The following SAMD14 variants were observed in gnomAD, a reference collection of about 807,000 sequenced individuals.
The protein encoded by SAMD14 is sterile alpha motif domain-containing protein 14.
Under a neutral mutation model 46.2 loss-of-function variants are expected in SAMD14, and 27 were observed. The observed-to-expected ratio is 0.58, with a 90% CI of 0.43 to 0.81. The LOEUF (loss-of-function observed/expected upper bound fraction) is 0.81, where lower values mean the gene tolerates loss of function less well. Ranked by LOEUF, SAMD14 falls within the 30% of genes least tolerant of loss-of-function variation. The probability of loss-of-function intolerance (pLI) is 0.00; values close to 1 mark genes in which losing one functional copy is unlikely to be tolerated. For synonymous variants in SAMD14, 241 were observed against 254.3 expected, an observed-to-expected ratio of 0.95 and a Z score of 0.50; for missense variants, 559 against 582.2, an observed-to-expected ratio of 0.96 and a Z score of 0.41.
chr17:50,124,775 A>ACGCGCACGCGCACGCGCGCGCG (rs1567723143), intron 2 of SAMD14, 142 bp downstream of exon 2: 1 of 331,372 alleles, frequency 3.0e-6, no homozygotes, highest in Non-Finnish European at 5.6e-6. Flanking sequence ...GCGCGCGCAC[A>ACGCGCACGCGCACGCGCGCGCG]CACACACACA....
At chr17:50,119,817 C>CA (rs1911415692) in intron 2 of SAMD14, among the ~76,000 whole-genome samples, 1 of 152,158 alleles carries the variant, frequency 6.6e-6, no homozygotes, top group Non-Finnish European at 1.5e-5. Context: ...CTTTGATGTC[C>CA]ACCAGGGGTC....
chr17:50,113,170 G>T, intron 9 of SAMD14, 122 bp from the exon 10 acceptor site: 1 of 1,126,000 alleles, frequency 8.9e-7, no homozygotes, highest in Non-Finnish European at 1.2e-6. Context: ...CTGGAGTGGA[G>T]CCTCCGCCTC....
chr17:50,113,973 C>T lies in SAMD14; in HGVS notation c.1049G>A (p.Arg350Gln), dbSNP rs564137587. 140 of 1,613,756 alleles carry T rather than the reference C, an allele frequency of 8.7e-5. No individual in the cohort carries two copies. Among genetic ancestry groups the T allele is most frequent in the Admixed American group, 1.8e-4 (11 of 60,036 alleles). ...LEQYAAEFAARQVDGPQLLQL... is the reference protein window; with the variant it reads ...LEQYAAEFAAQQVDGPQLLQL... ...CAGCAGCTGCGGCCCGTCTACCTGCCGTGCAGCAAACTCAGCAGCATACTG... is the reference window on the plus strand; with the variant it reads ...CAGCAGCTGCGGCCCGTCTACCTGCTGTGCAGCAAACTCAGCAGCATACTG... Residue 350 changes from arginine to glutamine, a missense_variant, in exon 9 of 10, where the codon CGG becomes CAG. Transcript: ENST00000330175.
rs1352917291 is a variant in SAMD14 at position 50,112,899 on chromosome 17, CT to C, written c.1247del (p.Lys416ArgfsTer99). 10 of 1,604,852 alleles carry C rather than the reference CT, an allele frequency of 6.2e-6. No individual in the cohort carries two copies. Among genetic ancestry groups the C allele is most frequent in the Non-Finnish European group, 8.5e-6 (10 of 1,179,664 alleles). On this transcript the variant is annotated frameshift_variant, in exon 10 of 10. Transcript: ENST00000330175. LOFTEE classifies it high-confidence loss of function. The stretch of plus-strand genomic sequence containing the variant: ...AGCGCCTGTGCACCCTCCCCTAGCT[CT>C]TCTTGGCCTCCTGCTCTCGGCGCCG... Reference protein sequence around the residue: ...KLRRREQEAKKS With the variant: ...KLRRREQEAKXS
At position 50,116,030 on chromosome 17, in the gene SAMD14, T is replaced by G; in HGVS notation, c.560A>C (p.Lys187Thr). The change falls in exon 5 of 10, where the codon AAG becomes ACG. Residue 187 changes from lysine (K) to threonine (T), a missense_variant. Coordinates refer to ENST00000330175, the MANE Select transcript of SAMD14 (RefSeq NM_001257359.2). ...PASPTIGLDK[K>T]TRRKFLDLGV... Reference sequence around the variant, plus strand: ...CAGGTCCAGGAACTTTCGGCGAGTCTTCTTATCGAGGCCGATGGTGGGGCT... The same window carrying G: ...CAGGTCCAGGAACTTTCGGCGAGTCGTCTTATCGAGGCCGATGGTGGGGCT... The G allele has an allele frequency of 6.2e-7, 1 of 1,614,072 alleles. No homozygotes were observed. Among genetic ancestry groups the G allele is most frequent in the Non-Finnish European group, 8.5e-7 (1 of 1,179,962 alleles).
chr17:50,121,819 C>A (rs1441025948), intron 2 of SAMD14, among the ~76,000 whole-genome samples: 3 of 152,030 alleles, frequency 2.0e-5, no homozygotes, highest in African/African-American at 4.8e-5. Flanking sequence ...GCCCAGATGG[C>A]CAGGCTGAAG....
At position 50,117,524 on chromosome 17, in the gene SAMD14, C is replaced by A. The variant is rs1351093441; in HGVS notation, c.382G>T (p.Ala128Ser). The A allele has an allele frequency of 1.3e-6, 2 of 1,520,022 alleles. No individual in the cohort carries two copies. Among genetic ancestry groups the A allele is most frequent in the Non-Finnish European group, 1.7e-6 (2 of 1,144,596 alleles). The allele number at this position is 1,520,022 out of a possible 1,614,324, so 94.2% of individuals were successfully genotyped here. A position where few individuals can be genotyped will look rare whatever the true frequency, so the allele number is the denominator to read the frequency against. The change falls in exon 4 of 10, where the codon GCT (alanine) becomes TCT (serine). Residue 128 changes from alanine (A) to serine (S), a missense_variant. Ala to Ser is a moderately conservative substitution (Grantham distance 99, BLOSUM62 1). Coordinates refer to ENST00000330175, the MANE Select transcript of SAMD14 (RefSeq NM_001257359.2). ...GCGGCCAGGCCCTCGTGCGACGCAG[C>A]GTTGTGCAGGGGCCGGTAGCGTGTG... The part of the protein sequence containing the change: ...PLTRYRPLHN[A>S]ASHEGLAAAS...
At chr17:50,118,880 A>G (rs918854413) in intron 2 of SAMD14, among the ~76,000 whole-genome samples, 8 of 152,322 alleles carry the variant, frequency 5.3e-5, no homozygotes, top group Admixed American at 5.2e-4. Context: ...TAGGACAGTT[A>G]CTATGCATAC....
At chr17:50,116,325 A>G (rs1911196629) in intron 4 of SAMD14, 1 of 534,442 alleles carries the variant, frequency 1.9e-6, no homozygotes, top group Admixed American at 3.6e-5. Context: ...GATGCTTATG[A>G]CAGCCTTTTA....
rs1911285757 is a variant in SAMD14, at chr17:50,117,618, GC to G, written c.287del (p.Gly96AlafsTer183). 2.6e-6 allele frequency: 4 copies of G among 1,557,234 alleles called. No individual in the cohort carries two copies. Among genetic ancestry groups the G allele is most frequent in the East Asian group, 4.9e-5 (2 of 40,718 alleles). ...ACCCCGGAGGATCCAGGCAGAAAGA[GC>G]CCCCGGCCGGGGACCCCGGGCCTGA... ...LHSGPGSPAG[G>X]SFCLDPPGLR... On this transcript the variant is annotated frameshift_variant, in exon 4 of 10. Transcript: ENST00000330175. LOFTEE classifies it high-confidence loss of function.
rs1170794181 is a variant in SAMD14 at position 50,116,048 on chromosome 17, GT to G, written c.541del (p.Thr181ProfsTer98). ...DASPPEPASP[T>X]IGLDKKTRRK... Reference sequence around the variant, plus strand: ...GCGAGTCTTCTTATCGAGGCCGATGGTGGGGCTGGCGGGCTCAGGAGGACTG... The same window carrying G: ...GCGAGTCTTCTTATCGAGGCCGATGGGGGGCTGGCGGGCTCAGGAGGACTG... On this transcript the variant is annotated frameshift_variant, in exon 5 of 10. Coordinates refer to ENST00000330175, the MANE Select transcript of SAMD14 (RefSeq NM_001257359.2). LOFTEE classifies it high-confidence loss of function. The G allele has an allele frequency of 1.2e-6, 2 of 1,614,088 alleles. No individual in the cohort carries two copies. Among genetic ancestry groups the G allele is most frequent in the Non-Finnish European group, 1.7e-6 (2 of 1,179,938 alleles).
intron 4 of SAMD14, among the ~76,000 whole-genome samples, chr17:50,117,057 C>G (rs535813826): frequency 2.6e-4 from 39 of 151,796 alleles, no homozygotes; most frequent in Non-Finnish European, 4.4e-4. Flanking sequence ...CGCTATGTTG[C>G]CCAGGCTGGT....
At position 50,112,995 on chromosome 17, in the gene SAMD14, CT is replaced by C; in HGVS notation, c.1151del (p.Lys384ArgfsTer131). 1.2e-6 allele frequency: 2 copies of C among 1,612,412 alleles called. No individual in the cohort carries two copies. The highest frequency in any genetic ancestry group is 1.7e-6 in the Non-Finnish European group (2 of 1,179,988). ...CCTTCTCGGCAGCTGCTGCCATCTC[CT>C]TCAACTTGCGCTTCACCAGTGCCCG... ...HDRALVKRKL[K>X]EMAAAAEKER... On this transcript the variant is annotated frameshift_variant, in exon 10 of 10. Transcript: ENST00000330175. LOFTEE classifies it high-confidence loss of function.
intron 1 of SAMD14, chr17:50,125,214 G>A (rs901210357): frequency 2.0e-6 from 1 of 500,482 alleles, no homozygotes; most frequent in African/African-American, 1.9e-5. Context: ...CACAGACACA[G>A]GCTGAGCCCT....
In SAMD14 at chr17:50,117,348, G is replaced by T. The variant is rs1215231437; in HGVS notation, c.499+59C>A. The T allele has an allele frequency of 4.0e-6, 5 of 1,261,224 alleles. No homozygotes were observed. In the East Asian group the frequency reaches 1.3e-4, roughly 32 times the overall value. The allele number at this position is 1,261,224 out of a possible 1,614,324, so 78.1% of individuals were successfully genotyped here. ...CGCGGCTGCGGTGCGCGCCGGGACCGGGAGGGCTGCTGCGCCCGGGAGCGA... is the reference window on the plus strand; with the variant it reads ...CGCGGCTGCGGTGCGCGCCGGGACCTGGAGGGCTGCTGCGCCCGGGAGCGA... On this transcript the variant is annotated intron_variant, in intron 4 of 9. Transcript: ENST00000330175.
intron 7 of SAMD14, 175 bp from the exon 8 acceptor site, chr17:50,114,481 C>CTGAA (rs1175815040): frequency 6.3e-7 from 1 of 1,586,462 alleles, no homozygotes; most frequent in African/African-American, 1.4e-5. Flanking sequence ...GCATCAGGAC[C>CTGAA]TGAAGCCTTT....
intron 2 of SAMD14, among the ~76,000 whole-genome samples, chr17:50,122,439 T>C (rs777729911): frequency 8.5e-5 from 13 of 152,178 alleles, no homozygotes; most frequent in Non-Finnish European, 1.8e-4. Flanking sequence ...TCCATGCCCA[T>C]GCCCACATCC....
chr17:50,120,162 G>C (rs974522168), intron 2 of SAMD14, among the ~76,000 whole-genome samples: 1 of 152,180 alleles, frequency 6.6e-6, no homozygotes, highest in African/African-American at 2.4e-5. Context: ...GCTGGGTAAT[G>C]AGTTCTTGAG....
At chr17:50,122,908 G>A (rs954095086) in intron 2 of SAMD14, among the ~76,000 whole-genome samples, 1 of 152,080 alleles carries the variant, frequency 6.6e-6, no homozygotes, top group African/African-American at 2.4e-5. Context: ...GGAGATTGCA[G>A]TTGTCCAGGG....
Sources: gnomAD v4.1 joint callset for allele counts (sites outside exome capture counted in the v4.1 genomes callset) on GRCh38, gnomAD v4.1.1 for gene constraint, MANE v1.5 for transcripts, NCBI Gene and HGNC (gene_info 2026-07-23, HGNC 2026-07-21) for gene names.